TGM2: variants seen among roughly 807,000 people sequenced by gnomAD.
TGM2 encodes protein-glutamine gamma-glutamyltransferase 2.
Under a neutral mutation model 75.6 loss-of-function variants are expected in TGM2, and 53 were observed. That is an observed-to-expected ratio of 0.70 (90% CI 0.56 to 0.88). The LOEUF is 0.88. TGM2 is among the 40% of genes least tolerant of loss of function. TGM2 has a pLI of 0.00. For synonymous variants in TGM2, 374 were observed against 381.1 expected, an observed-to-expected ratio of 0.98 and a Z score of 0.22; for missense variants, 842 against 928.5, an observed-to-expected ratio of 0.91 and a Z score of 1.21.
intron 3 of TGM2, among the ~76,000 whole-genome samples, chr20:38,153,528 A>AAAAAAAAGAAAAAAAAAAAAAAG: frequency 8.0e-6 from 1 of 125,274 alleles, no homozygotes; most frequent in Admixed American, 8.9e-5. Context: ...TGGTCTCAAA[A>AAAAAAAAGAAAAAAAAAAAAAAG]AAAAGAAAAA....
At chr20:38,139,032 G>A (rs1398532405) in intron 9 of TGM2, among the ~76,000 whole-genome samples, 1 of 152,190 alleles carries the variant, frequency 6.6e-6, no homozygotes, top group African/African-American at 2.4e-5. Flanking sequence ...GTCAGGCCAA[G>A]GCAGGAACTA....
upstream of TGM2, among the ~76,000 whole-genome samples, chr20:38,165,646 G>T (rs1052689217): frequency 3.3e-5 from 5 of 149,708 alleles, no homozygotes; most frequent in African/African-American, 9.9e-5. Context: ...GTCAGATCTG[G>T]GATCAAGAAC....
chr20:38,163,794 A>G (rs1210505893), intron 1 of TGM2, among the ~76,000 whole-genome samples: 1 of 152,204 alleles, frequency 6.6e-6, no homozygotes, highest in East Asian at 1.9e-4. Context: ...GTTTTTGGAA[A>G]CTTCAGACCC....
rs2122837960 is a variant in TGM2, at chr20:38,130,037, G to A, written c.*182C>T. On this transcript the variant is annotated 3_prime_UTR_variant, in exon 13 of 13. Coordinates refer to ENST00000361475, the MANE Select transcript of TGM2 (RefSeq NM_004613.4). ...TTCCTCACAGCAAAGGGGGTGAGTGGGGACCCACAGGCTCAGGAGGCTGAG... is the reference window on the plus strand; with the variant it reads ...TTCCTCACAGCAAAGGGGGTGAGTGAGGACCCACAGGCTCAGGAGGCTGAG... 1.3e-6 allele frequency: 1 copy of A among 746,954 alleles called. No homozygotes were observed. The highest frequency in any genetic ancestry group is 2.2e-6 in the Non-Finnish European group (1 of 461,758). 46.3% of individuals were successfully genotyped at this position (746,954 alleles called of 1,614,324 possible).
At chr20:38,161,313 A>G in intron 2 of TGM2, 107 bp downstream of exon 2, 1 of 1,436,988 alleles carries the variant, frequency 7.0e-7, no homozygotes, top group Admixed American at 2.0e-5. Context: ...GGAACAAAGA[A>G]GGTAAAGTTA....
In TGM2 at chr20:38,139,493, T is replaced by C. The variant is rs1342421658; in HGVS notation, c.1261A>G (p.Ile421Val). The change falls in exon 9 of 13, where the codon ATC becomes GTC. Residue 421 changes from isoleucine to valine, a missense_variant. By Grantham distance (29) the Ile-to-Val change is conservative. Transcript: ENST00000361475. ...TTAGTGCTGATCTTCAGCCCAACGA[T>C]CAGGGAACGGTTGATGGATTTGTGC... ...SVHKSINRSL[I>V]VGLKISTKSV... 5.6e-6 allele frequency: 9 copies of C among 1,614,160 alleles called. No homozygotes were observed. The highest frequency in any genetic ancestry group is 7.6e-6 in the Non-Finnish European group (9 of 1,180,020).
At chr20:38,130,961 A>T (rs1227510682) in intron 12 of TGM2, 132 bp downstream of exon 12, 2 of 1,402,960 alleles carry the variant, frequency 1.4e-6, no homozygotes, top group Non-Finnish European at 2.0e-6. Flanking sequence ...GGTGTCTGGG[A>T]GTGGGCACAG....
intron 2 of TGM2, among the ~76,000 whole-genome samples, chr20:38,160,233 G>A (rs1018595313): frequency 6.6e-6 from 1 of 152,230 alleles, no homozygotes; most frequent in East Asian, 1.9e-4. Flanking sequence ...ACTTCAGAAA[G>A]AGCTGGCCTT....
rs751554048 is a variant in TGM2, at chr20:38,139,583, G to C, written c.1171C>G (p.Pro391Ala). The C allele has an allele frequency of 3.7e-6, 6 of 1,614,186 alleles. No individual in the cohort carries two copies. The highest frequency in any genetic ancestry group is 4.2e-6 in the Non-Finnish European group (5 of 1,180,042). The change falls in exon 9 of 13, where the codon CCC becomes GCC. Residue 391 changes from proline to alanine, a missense_variant. Pro to Ala is a conservative substitution (Grantham distance 27). Transcript: ENST00000361475. ...GCATTGACCTCCGCAAAGACAAAGG[G>C]CGCATCGTACTTGGTGCTCAGGTCG... is the stretch of plus-strand genomic sequence containing the variant. ...EGDLSTKYDA[P>A]FVFAEVNADV...
intron 5 of TGM2, 123 bp from the exon 6 acceptor site, chr20:38,147,017 G>T: frequency 9.2e-7 from 1 of 1,085,930 alleles, no homozygotes; most frequent in Non-Finnish European, 1.3e-6. Context: ...TGAGGAAAGA[G>T]CAGGTGCAAA....
intron 10 of TGM2, among the ~76,000 whole-genome samples, chr20:38,137,146 G>A (rs2074909884): frequency 6.6e-6 from 1 of 152,190 alleles, no homozygotes; most frequent in East Asian, 1.9e-4. Context: ...GCCCAACATA[G>A]CAGCTTCTGG....
Position 38,144,240 on chromosome 20 carries a change from G to A in TGM2, c.860-2041C>T, listed in dbSNP as rs45525842. On this transcript the variant is annotated intron_variant, in intron 6 of 12. Transcript: ENST00000361475. Reference sequence around the variant, plus strand: ...AGACTGACCCTGCTGCTCACCAGCTGTATGACCTTGGGCAAGCCACTCCCC... The same window carrying A: ...AGACTGACCCTGCTGCTCACCAGCTATATGACCTTGGGCAAGCCACTCCCC... Among the ~76,000 whole-genome samples, 574 of 152,304 alleles carry A rather than the reference G, an allele frequency of 3.8e-3. 4 individuals carry two copies. The highest frequency in any genetic ancestry group is 0.013 in the African/African-American group (553 of 41,554).
intron 1 of TGM2, 25 bp from the exon 2 acceptor site, chr20:38,161,624 G>T: frequency 6.2e-7 from 1 of 1,614,094 alleles, no homozygotes; most frequent in Middle Eastern, 1.7e-4. Flanking sequence ...GGAGACGCAT[G>T]AGCCTCGGGG....
intron 6 of TGM2, 76 bp downstream of exon 6, chr20:38,146,641 A>T: frequency 1.9e-6 from 3 of 1,555,696 alleles, no homozygotes; most frequent in Non-Finnish European, 2.6e-6. Flanking sequence ...CAGGGCAGGG[A>T]TGTCCTGATT....
At chr20:38,136,555 C>A (rs577870467) in intron 10 of TGM2, among the ~76,000 whole-genome samples, 24 of 152,180 alleles carry the variant, frequency 1.6e-4, no homozygotes, top group Non-Finnish European at 2.9e-4. Context: ...CTGATGGGGA[C>A]GCTAAGGTGC....
chr20:38,148,997 T>A (rs2075080759), intron 4 of TGM2, among the ~76,000 whole-genome samples: 1 of 152,184 alleles, frequency 6.6e-6, no homozygotes, highest in Admixed American at 6.5e-5. Flanking sequence ...TGTGGCTCCC[T>A]ATTGCCATCG....
At chr20:38,166,139 C>T (rs1018394879), upstream of TGM2, among the ~76,000 whole-genome samples, 1 of 120,240 alleles carries the variant, frequency 8.3e-6, no homozygotes, top group African/African-American at 2.6e-5. Flanking sequence ...AAAACAGACA[C>T]ACCCATGTCC....
intron 10 of TGM2, among the ~76,000 whole-genome samples, chr20:38,135,850 G>A (rs537839323): frequency 6.6e-6 from 1 of 152,154 alleles, no homozygotes; most frequent in Admixed American, 6.5e-5. Context: ...GTGCTGCTGT[G>A]CCCTTTCCAG....
chr20:38,149,057 A>G (rs1298657172), intron 4 of TGM2, among the ~76,000 whole-genome samples: 2 of 152,006 alleles, frequency 1.3e-5, no homozygotes, highest in Non-Finnish European at 2.9e-5. Context: ...GGCTTCTCCC[A>G]CCTCATCTCT....
Sources: gnomAD v4.1 joint callset for allele counts (sites outside exome capture counted in the v4.1 genomes callset) on GRCh38, gnomAD v4.1.1 for gene constraint, MANE v1.5 for transcripts, NCBI Gene and HGNC (gene_info 2026-07-23, HGNC 2026-07-21) for gene names.